Variants in NFIB observed in about 807,000 individuals in gnomAD.
NFIB encodes the protein nuclear factor I B.
A neutral mutation model predicts 61.5 loss-of-function variants in NFIB; 11 were observed. That is an observed-to-expected ratio of 0.18 (90% CI 0.11 to 0.30). The LOEUF is 0.30. Among genes scored for constraint, NFIB ranks in the 10% least tolerant of loss-of-function variants. NFIB has a pLI of 1.00. For synonymous variants in NFIB, 260 were observed against 216.5 expected (o/e 1.20, Z -1.76); for missense variants, 471 against 608.9 (o/e 0.77, Z 2.38).
intron 2 of NFIB, among the ~76,000 whole-genome samples, chr9:14,226,288 C>T (rs1452563088): frequency 7.9e-5 from 12 of 152,068 alleles, no homozygotes; most frequent in African/African-American, 2.7e-4. Context: ...TGGCTGACCC[C>T]TATAATCTCA....
chr9:14,468,504 G>A, the NFIB span, among the ~76,000 whole-genome samples: 1 of 152,170 alleles, frequency 6.6e-6, no homozygotes, highest in Non-Finnish European at 1.5e-5. Flanking sequence ...GTGAGAGTGG[G>A]TATTCCATTT....
At chr9:14,438,647 T>A in the NFIB span, among the ~76,000 whole-genome samples, 1 of 152,182 alleles carries the variant, frequency 6.6e-6, no homozygotes, top group Non-Finnish European at 1.5e-5. Flanking sequence ...AAACTCCAGA[T>A]GCAAAGCTTT....
At chr9:14,121,146 C>A (rs891298513) in intron 7 of NFIB, among the ~76,000 whole-genome samples, 5 of 152,300 alleles carry the variant, frequency 3.3e-5, no homozygotes, top group African/African-American at 1.2e-4. Context: ...CACCTGTAAT[C>A]CCAGCTACTT....
upstream of NFIB, among the ~76,000 whole-genome samples, chr9:14,401,964 A>C (rs2061746896): frequency 6.6e-6 from 1 of 152,198 alleles, no homozygotes; most frequent in African/African-American, 2.4e-5. Flanking sequence ...TCTTTCAGTT[A>C]AATACATATG....
intron 4 of NFIB, among the ~76,000 whole-genome samples, chr9:14,153,396 C>T (rs936968001): frequency 5.9e-5 from 9 of 152,050 alleles, no homozygotes; most frequent in African/African-American, 2.2e-4. Flanking sequence ...GAAGAACTTA[C>T]ATCAGACGCA....
At chr9:14,450,980 G>C in the NFIB span, among the ~76,000 whole-genome samples, 1 of 152,136 alleles carries the variant, frequency 6.6e-6, no homozygotes, top group Non-Finnish European at 1.5e-5. Context: ...TTTCACAAAC[G>C]AGACTCACAG....
intron 1 of NFIB, among the ~76,000 whole-genome samples, chr9:14,337,434 A>G (rs144139215): frequency 2.3e-4 from 35 of 152,348 alleles, no homozygotes; most frequent in African/African-American, 8.2e-4. Context: ...TGGTGAGAAA[A>G]ATCATAATAA....
At chr9:14,408,496 G>A in the NFIB span, among the ~76,000 whole-genome samples, 6 of 152,230 alleles carry the variant, frequency 3.9e-5, no homozygotes, top group East Asian at 3.9e-4. Context: ...CAATGGAGGC[G>A]GGAATACAGA....
At chr9:14,326,782 G>A (rs2060758018) in intron 1 of NFIB, among the ~76,000 whole-genome samples, 2 of 150,938 alleles carry the variant, frequency 1.3e-5, no homozygotes, top group African/African-American at 4.9e-5. Flanking sequence ...AATCCAGGAT[G>A]CCTTCTAGCT....
intron 2 of NFIB, among the ~76,000 whole-genome samples, chr9:14,239,086 G>C (rs2054093653): frequency 6.6e-6 from 1 of 152,188 alleles, no homozygotes; most frequent in Non-Finnish European, 1.5e-5. Flanking sequence ...TCGGTAATAT[G>C]CCCATTACAT....
At chr9:14,425,014 G>A in the NFIB span, among the ~76,000 whole-genome samples, 1 of 152,162 alleles carries the variant, frequency 6.6e-6, no homozygotes, top group Admixed American at 6.5e-5. Flanking sequence ...CAAGGAAGGA[G>A]TAGTGAGTAA....
chr9:14,281,850 G>GT (rs141780103), intron 2 of NFIB, among the ~76,000 whole-genome samples: 10,965 of 151,744 alleles, frequency 0.072, 691 homozygotes, highest in African/African-American at 0.17. Flanking sequence ...CCCCACACGT[G>GT]TTTTTTTTAG....
chr9:14,504,532 G>A, the NFIB span, among the ~76,000 whole-genome samples: 2 of 152,162 alleles, frequency 1.3e-5, no homozygotes, highest in African/African-American at 4.8e-5. Context: ...TTTCCTTGTA[G>A]AGGTCTTTTA....
At chr9:14,433,688 C>A in the NFIB span, among the ~76,000 whole-genome samples, 1 of 152,144 alleles carries the variant, frequency 6.6e-6, no homozygotes, top group East Asian at 1.9e-4. Context: ...ATAATAATTA[C>A]ATGCCCACTA....
intron 1 of NFIB, among the ~76,000 whole-genome samples, chr9:14,381,183 GTTTC>G (rs1409360455): frequency 2.0e-5 from 3 of 150,460 alleles, no homozygotes; most frequent in Non-Finnish European, 3.0e-5. Context: ...ATTTTCTTGT[GTTTC>G]TTTCTTTTTC....
Position 14,134,194 on chromosome 9 carries a change from A to G in NFIB, c.926-8428T>C, listed in dbSNP as rs117292398. 4.1e-4 allele frequency among the ~76,000 whole-genome samples: 63 copies of G among 152,326 alleles called. No homozygotes were observed. In the East Asian group the frequency reaches 9.3e-3, roughly 22 times the overall value. On this transcript the variant is annotated intron_variant, in intron 6 of 10. Coordinates refer to ENST00000380953, the MANE Select transcript of NFIB (RefSeq NM_001190737.2). ...GAAATTGCTTATAGAGCCATGTGCTACATTGAAATTATTACGGCTTATAAC... is the reference window on the plus strand; with the variant it reads ...GAAATTGCTTATAGAGCCATGTGCTGCATTGAAATTATTACGGCTTATAAC...
chr9:14,212,639 A>G (rs925970739), intron 2 of NFIB, among the ~76,000 whole-genome samples: 10 of 85,670 alleles, frequency 1.2e-4, no homozygotes, highest in African/African-American at 1.2e-3. Flanking sequence ...TCCTCTGGGA[A>G]AAAAAAAAAA....
intron 1 of NFIB, among the ~76,000 whole-genome samples, chr9:14,320,763 T>C (rs7028151): frequency 0.094 from 14,370 of 152,226 alleles, 2,275 homozygotes; most frequent in African/African-American, 0.33. Context: ...CTTTCTGGAC[T>C]TATTCCATTT....
intron 1 of NFIB, among the ~76,000 whole-genome samples, chr9:14,354,758 T>C (rs2061155155): frequency 6.6e-6 from 1 of 150,948 alleles, no homozygotes; most frequent in Admixed American, 6.6e-5. Flanking sequence ...ATTTAAATGG[T>C]TATCTCTATG....
Sources: gnomAD v4.1 joint callset for allele counts (sites outside exome capture counted in the v4.1 genomes callset) on GRCh38, gnomAD v4.1.1 for gene constraint, MANE v1.5 for transcripts, NCBI Gene and HGNC (gene_info 2026-07-23, HGNC 2026-07-21) for gene names.